Variants in NRG1 observed in about 807,000 individuals in gnomAD.
NRG1 encodes the protein pro-neuregulin-1, membrane-bound isoform.
Under a neutral mutation model 63.8 loss-of-function variants are expected in NRG1, and 18 were observed. That is an observed-to-expected ratio of 0.28 (90% CI 0.19 to 0.42). NRG1 has a LOEUF of 0.42. Among genes scored for constraint, NRG1 ranks in the 10% least tolerant of loss-of-function variants. The pLI, the probability that NRG1 is intolerant of heterozygous loss-of-function variation, is 1.00. For synonymous variants in NRG1, 302 were observed against 301.3 expected (o/e 1.00, Z -0.02); for missense variants, 762 against 814.7 (o/e 0.94, Z 0.79).
At chr8:31,768,087 G>A (rs1488728857) in intron 1 of NRG1, among the ~76,000 whole-genome samples, 1 of 152,042 alleles carries the variant, frequency 6.6e-6, no homozygotes, top group Non-Finnish European at 1.5e-5. Context: ...CATCACAACA[G>A]ATAACCTATT....
At chr8:31,861,736 C>T (rs1563497287) in intron 1 of NRG1, among the ~76,000 whole-genome samples, 1 of 152,150 alleles carries the variant, frequency 6.6e-6, no homozygotes, top group African/African-American at 2.4e-5. Flanking sequence ...TAGGCAAAGG[C>T]TTTTTTCCAA....
At chr8:32,558,358 T>C (rs1373367238) in intron 1 of NRG1, among the ~76,000 whole-genome samples, 1 of 152,236 alleles carries the variant, frequency 6.6e-6, no homozygotes, top group Non-Finnish European at 1.5e-5. Context: ...GTGGTGAATG[T>C]GGTTATGCTG....
intron 1 of NRG1, among the ~76,000 whole-genome samples, chr8:31,943,086 C>T (rs1176237635): frequency 6.6e-6 from 1 of 152,092 alleles, no homozygotes; most frequent in Non-Finnish European, 1.5e-5. Flanking sequence ...TATAGCAGCA[C>T]AATTCACTGT....
chr8:32,442,006 A>G (rs1014911045), intron 1 of NRG1, among the ~76,000 whole-genome samples: 6 of 152,202 alleles, frequency 3.9e-5, no homozygotes, highest in Non-Finnish European at 5.9e-5. Context: ...TTCATAAATG[A>G]TAGTTATTTT....
At chr8:31,688,561 T>C (rs1809147987) in intron 1 of NRG1, among the ~76,000 whole-genome samples, 2 of 152,212 alleles carry the variant, frequency 1.3e-5, no homozygotes, top group Non-Finnish European at 2.9e-5. Flanking sequence ...AATCTGTGTG[T>C]ACTGATGAGA....
At chr8:32,211,315 C>T (rs1844683754) in intron 1 of NRG1, among the ~76,000 whole-genome samples, 1 of 152,068 alleles carries the variant, frequency 6.6e-6, no homozygotes, top group Admixed American at 6.6e-5. Flanking sequence ...TTTAATCATT[C>T]ACTAGTTGGC....
At chr8:32,660,972 C>T (rs933769659) in intron 5 of NRG1, among the ~76,000 whole-genome samples, 1 of 152,132 alleles carries the variant, frequency 6.6e-6, no homozygotes, top group Non-Finnish European at 1.5e-5. Context: ...GGATGTGCTA[C>T]TATTTATTTT....
intron 1 of NRG1, among the ~76,000 whole-genome samples, chr8:32,257,232 G>A (rs994754149): frequency 2.0e-5 from 3 of 152,104 alleles, no homozygotes; most frequent in Non-Finnish European, 2.9e-5. Context: ...CCATGTGGGT[G>A]GGATCCGCTG....
At chr8:31,832,742 G>A (rs950256240) in intron 1 of NRG1, among the ~76,000 whole-genome samples, 2 of 152,142 alleles carry the variant, frequency 1.3e-5, no homozygotes, top group African/African-American at 2.4e-5. Flanking sequence ...CCTTTGAGCA[G>A]GCTATCATCG....
intron 5 of NRG1, among the ~76,000 whole-genome samples, chr8:32,626,575 G>A (rs1371906639): frequency 1.3e-5 from 2 of 152,086 alleles, no homozygotes; most frequent in South Asian, 2.1e-4. Context: ...AGCTACTGGG[G>A]AGGCTGAGGC....
chr8:31,797,775 A>G (rs1006359987), intron 1 of NRG1, among the ~76,000 whole-genome samples: 9 of 152,228 alleles, frequency 5.9e-5, no homozygotes, highest in African/African-American at 2.2e-4. Flanking sequence ...TAGCCAAGAT[A>G]TAGAATCCAC....
chr8:31,668,164 A>G (rs924198701), intron 1 of NRG1, among the ~76,000 whole-genome samples: 1 of 152,202 alleles, frequency 6.6e-6, no homozygotes, highest in African/African-American at 2.4e-5. Context: ...CAGATTTTGT[A>G]ATTTTCAAAA....
At chr8:31,832,249 G>GTTTTTTTTTTTTTTTTTTTTTTTTTT (rs5890599) in intron 1 of NRG1, among the ~76,000 whole-genome samples, 1 of 136,142 alleles carries the variant, frequency 7.3e-6, no homozygotes, top group Non-Finnish European at 1.6e-5. Flanking sequence ...AAATGCTCTA[G>GTTTTTTTTTTTTTTTTTTTTTTTTTT]TTTTTTTTTT....
intron 1 of NRG1, among the ~76,000 whole-genome samples, chr8:32,481,045 T>G (rs542051189): frequency 2.8e-4 from 43 of 152,148 alleles, no homozygotes; most frequent in African/African-American, 9.2e-4. Flanking sequence ...AAGAAAGAAA[T>G]AATTTTAAAA....
downstream of NRG1, among the ~76,000 whole-genome samples, chr8:32,770,266 C>T (rs1207704080): frequency 4.6e-5 from 7 of 152,038 alleles, no homozygotes; most frequent in Admixed American, 4.6e-4. Flanking sequence ...CTTAAAACAT[C>T]CTTTATCTCC....
intron 1 of NRG1, among the ~76,000 whole-genome samples, chr8:32,114,941 T>A (rs1293661438): frequency 6.6e-6 from 1 of 152,130 alleles, no homozygotes; most frequent in Non-Finnish European, 1.5e-5. Context: ...GAACAGAAAC[T>A]GATAACACTT....
At chr8:32,627,679 C>T (rs1033676262) in intron 5 of NRG1, among the ~76,000 whole-genome samples, 8 of 152,148 alleles carry the variant, frequency 5.3e-5, no homozygotes, top group African/African-American at 1.7e-4. Flanking sequence ...TTTTTAAAGA[C>T]TTGAGTTGAT....
chr8:31,948,208 C>A (rs1439670835), intron 1 of NRG1, among the ~76,000 whole-genome samples: 2 of 152,044 alleles, frequency 1.3e-5, no homozygotes, highest in African/African-American at 4.8e-5. Flanking sequence ...TTAGCATTTT[C>A]ATTTTTCTTG....
intron 3 of NRG1, among the ~76,000 whole-genome samples, chr8:32,612,499 A>G (rs1846533209): frequency 6.6e-6 from 1 of 152,066 alleles, no homozygotes; most frequent in Admixed American, 6.6e-5. Flanking sequence ...AAGGTCTCCA[A>G]GATAAATACC....
Sources: gnomAD v4.1 joint callset for allele counts (sites outside exome capture counted in the v4.1 genomes callset) on GRCh38, gnomAD v4.1.1 for gene constraint, MANE v1.5 for transcripts, NCBI Gene and HGNC (gene_info 2026-07-23, HGNC 2026-07-21) for gene names.